TRIM9: variants seen among roughly 807,000 people sequenced by gnomAD.
TRIM9 encodes E3 ubiquitin-protein ligase TRIM9.
Under a neutral mutation model 78.3 loss-of-function variants are expected in TRIM9, and 26 were observed. The observed-to-expected ratio is 0.33, with a 90% CI of 0.24 to 0.46. The LOEUF is 0.46. Ranked by LOEUF, TRIM9 falls within the 20% of genes least tolerant of loss-of-function variation. The probability of loss-of-function intolerance (pLI) is 1.00; values close to 1 mark genes in which losing one functional copy is unlikely to be tolerated. For synonymous variants in TRIM9, 398 were observed against 416.5 expected, an observed-to-expected ratio of 0.96 and a Z score of 0.54; for missense variants, 787 against 1,036.4, an observed-to-expected ratio of 0.76 and a Z score of 3.30.
intron 12 of TRIM9, among the ~76,000 whole-genome samples, 176 bp from the exon 13 acceptor site, chr14:50,977,529 C>G (rs1596076523): frequency 1.3e-5 from 2 of 152,208 alleles, no homozygotes; most frequent in African/African-American, 2.4e-5. Context: ...TAACAGGCTG[C>G]TCACCATGGT....
At chr14:51,071,387 GAAA>G (rs56726763) in intron 1 of TRIM9, among the ~76,000 whole-genome samples, 2,348 of 115,930 alleles carry the variant, frequency 0.02, 25 homozygotes, top group Non-Finnish European at 0.03. Flanking sequence ...AAAAAAAAAA[GAAA>G]AAAAAAAAAA....
chr14:51,073,096 C>T (rs1302494917), intron 1 of TRIM9, among the ~76,000 whole-genome samples: 1 of 151,968 alleles, frequency 6.6e-6, no homozygotes, highest in Non-Finnish European at 1.5e-5. Context: ...ATGCTTAATA[C>T]CATTAGTTAT....
At chr14:50,982,232 G>C (rs1283325946) in intron 10 of TRIM9, 129 bp from the exon 11 acceptor site, 2 of 1,095,310 alleles carry the variant, frequency 1.8e-6, no homozygotes, top group East Asian at 2.6e-5. Flanking sequence ...GAGGCGTCCA[G>C]GGCCAGGGCA....
intron 7 of TRIM9, chr14:50,997,334 T>C: frequency 1.0e-6 from 1 of 985,292 alleles, no homozygotes; most frequent in Non-Finnish European, 1.2e-6. Flanking sequence ...AAGCAAAAAT[T>C]CTCTAGAGAT....
At chr14:51,068,543 T>G (rs540419438) in intron 1 of TRIM9, among the ~76,000 whole-genome samples, 1 of 152,184 alleles carries the variant, frequency 6.6e-6, no homozygotes, top group Non-Finnish European at 1.5e-5. Flanking sequence ...ACCACAACCT[T>G]GTAGAAGTTA....
At chr14:51,007,228 C>T (rs2055930609) in intron 5 of TRIM9, among the ~76,000 whole-genome samples, 1 of 152,098 alleles carries the variant, frequency 6.6e-6, no homozygotes. Flanking sequence ...TTCCTTTAAG[C>T]TACTTGTGAC....
Position 51,000,857 on chromosome 14 carries a change from G to A in TRIM9, c.1307-17C>T, listed in dbSNP as rs2054893243. On this transcript the variant is annotated splice_polypyrimidine_tract_variant and intron_variant, in intron 5 of 12. Coordinates refer to ENST00000684578, the MANE Select transcript of TRIM9 (RefSeq NM_001387360.1). ...GAGAGGAAGCTAAACAGAAATTAGTGTAACTCTGGCTTCTGTTAAGCTGCA... is the reference window on the plus strand; with the variant it reads ...GAGAGGAAGCTAAACAGAAATTAGTATAACTCTGGCTTCTGTTAAGCTGCA... The A allele has an allele frequency of 6.2e-7, 1 of 1,613,360 alleles. No individual in the cohort carries two copies. Among genetic ancestry groups the A allele is most frequent in the African/African-American group, 1.3e-5 (1 of 74,932 alleles).
At chr14:51,022,774 A>T (rs2057880156) in intron 3 of TRIM9, 61 bp downstream of exon 3, 2 of 1,604,242 alleles carry the variant, frequency 1.2e-6, no homozygotes, top group Non-Finnish European at 1.7e-6. Flanking sequence ...CAGCCTGTCC[A>T]TCATGCCCCT....
intron 10 of TRIM9, 65 bp from the exon 11 acceptor site, chr14:50,982,168 C>T: frequency 6.4e-7 from 1 of 1,569,396 alleles, no homozygotes; most frequent in Non-Finnish European, 8.7e-7. Context: ...CCATAACATA[C>T]TCCTGGGCGG....
At chr14:51,091,057 C>T (rs556253715) in intron 1 of TRIM9, 1 of 152,072 alleles carries the variant, frequency 6.6e-6, no homozygotes, top group South Asian at 2.1e-4. Context: ...TTAACAAGTA[C>T]GTTGAATAAA....
At chr14:51,026,753 A>G (rs376372249) in intron 1 of TRIM9, among the ~76,000 whole-genome samples, 64 of 150,994 alleles carry the variant, frequency 4.2e-4, no homozygotes, top group African/African-American at 1.3e-3. Flanking sequence ...TAGAAAGAAT[A>G]TAGGTTTGAA....
intron 1 of TRIM9, among the ~76,000 whole-genome samples, chr14:51,044,065 A>G (rs1305817461): frequency 6.6e-6 from 1 of 152,200 alleles, no homozygotes; most frequent in East Asian, 1.9e-4. Context: ...TAAATTTTTA[A>G]ACAATTTTTA....
chr14:51,079,054 C>G (rs1488670133), intron 1 of TRIM9, among the ~76,000 whole-genome samples: 1 of 152,124 alleles, frequency 6.6e-6, no homozygotes, highest in Non-Finnish European at 1.5e-5. Context: ...ATAAAATGCT[C>G]TTGATTAATT....
intron 1 of TRIM9, among the ~76,000 whole-genome samples, chr14:51,087,322 G>A (rs1444202206): frequency 6.6e-6 from 1 of 152,090 alleles, no homozygotes; most frequent in Admixed American, 6.6e-5. Context: ...TGCACTTTAG[G>A]CCTGGATAGT....
chr14:50,981,169 G>C (rs1003096612), intron 11 of TRIM9, among the ~76,000 whole-genome samples: 2 of 152,092 alleles, frequency 1.3e-5, no homozygotes, highest in Non-Finnish European at 2.9e-5. Context: ...TCTATATTTT[G>C]GTGGTAGAAG....
At chr14:51,032,840 A>C (rs2058847197) in intron 1 of TRIM9, among the ~76,000 whole-genome samples, 1 of 152,246 alleles carries the variant, frequency 6.6e-6, no homozygotes, top group Non-Finnish European at 1.5e-5. Context: ...TAAGTAGTAC[A>C]GGTTGAATAT....
chr14:50,978,344 G>C (rs2051333711), intron 12 of TRIM9, among the ~76,000 whole-genome samples: 2 of 152,202 alleles, frequency 1.3e-5, no homozygotes, highest in South Asian at 4.2e-4. Context: ...GCTCAGGAGG[G>C]AAGTGAAACC....
At chr14:51,088,644 T>C (rs569054207) in intron 1 of TRIM9, among the ~76,000 whole-genome samples, 1 of 150,344 alleles carries the variant, frequency 6.7e-6, no homozygotes, top group South Asian at 2.1e-4. Flanking sequence ...AATTTCGAGT[T>C]GGTAAAAAAA....
chr14:51,002,894 G>A (rs1354502033), intron 5 of TRIM9, among the ~76,000 whole-genome samples: 2 of 152,236 alleles, frequency 1.3e-5, no homozygotes, highest in African/African-American at 4.8e-5. Flanking sequence ...TGGTTTAGGA[G>A]AAGAAATCAT....
Sources: gnomAD v4.1 joint callset for allele counts (sites outside exome capture counted in the v4.1 genomes callset) on GRCh38, gnomAD v4.1.1 for gene constraint, MANE v1.5 for transcripts, NCBI Gene and HGNC (gene_info 2026-07-23, HGNC 2026-07-21) for gene names.